SEPTIN9: variants seen among roughly 807,000 people sequenced by gnomAD.
SEPTIN9 encodes the protein septin-9.
In SEPTIN9, 13 loss-of-function variants were observed where a neutral mutation model predicts 56.6. The ratio of observed to expected loss-of-function variants is 0.23; its 90% CI spans 0.15 to 0.37. The LOEUF (loss-of-function observed/expected upper bound fraction) is 0.37, where lower values mean the gene tolerates loss of function less well. SEPTIN9 is among the 10% of genes least tolerant of loss of function. The pLI, the probability that SEPTIN9 is intolerant of heterozygous loss-of-function variation, is 1.00. For synonymous variants in SEPTIN9, 332 were observed against 334.1 expected (o/e 0.99, Z 0.07); for missense variants, 650 against 823.1 (o/e 0.79, Z 2.57).
intron 3 of SEPTIN9, among the ~76,000 whole-genome samples, chr17:77,454,889 A>G (rs2038127374): frequency 6.6e-6 from 1 of 151,778 alleles, no homozygotes; most frequent in African/African-American, 2.4e-5. Flanking sequence ...TGCCTGCAGG[A>G]GTTGCTTCAT....
rs555674045 is a variant in SEPTIN9, at chr17:77,434,018, G to A, written c.721+31315G>A. Among the ~76,000 whole-genome samples, 9 of 152,300 alleles carry A rather than the reference G, an allele frequency of 5.9e-5. No homozygotes were observed. Among genetic ancestry groups the A allele is most frequent in the East Asian group, 1.9e-4 (1 of 5,166 alleles). ...CTGTGTGTGCCTGTGTGAGTCTGGC[G>A]TGTTAGAAGCGCTAAGCTGCAGCTG... On this transcript the variant is annotated intron_variant, in intron 3 of 11. Transcript: ENST00000427177. The surrounding 1 kb of genome is among the most constrained non-coding windows in gnomAD (Gnocchi z 5.0).
In SEPTIN9 at chr17:77,482,703, TCCCCACCGCA is replaced by T. The variant is rs529264216; in HGVS notation, c.913+383_913+392del. 2.1e-3 allele frequency: 1,205 copies of T among 579,470 alleles called. 15 individuals carry two copies. The highest frequency in any genetic ancestry group is 0.015 in the South Asian group (727 of 49,080). The allele number at this position is 579,470 out of a possible 1,614,324, so 35.9% of individuals were successfully genotyped here. A position where few individuals can be genotyped will look rare whatever the true frequency, so the allele number is the denominator to read the frequency against. ...GTTGCTCCAGCCTGGCCCTCCAGGCTCCCCACCGCACCCCACCGCACCCCGGCCAGAGGCT... is the reference window on the plus strand; with the variant it reads ...GTTGCTCCAGCCTGGCCCTCCAGGCTCCCCACCGCACCCCGGCCAGAGGCT... On this transcript the variant is annotated intron_variant, in intron 4 of 11. Coordinates refer to ENST00000427177, the MANE Select transcript of SEPTIN9 (RefSeq NM_001113491.2).
At chr17:77,489,266 G>A (rs539966914) in intron 7 of SEPTIN9, among the ~76,000 whole-genome samples, 8 of 152,336 alleles carry the variant, frequency 5.3e-5, no homozygotes, top group East Asian at 1.9e-4. Flanking sequence ...AGGGTTTGGT[G>A]CGTTCTTAGA....
rs1039028398 is a variant in SEPTIN9, at chr17:77,326,450, G to T, written c.76+19253G>T. Among the ~76,000 whole-genome samples the T allele has an allele frequency of 6.6e-6, 1 of 152,202 alleles. No homozygotes were observed. Among genetic ancestry groups the T allele is most frequent in the Non-Finnish European group, 1.5e-5 (1 of 68,022 alleles). Reference sequence around the variant, plus strand: ...TCGGGGGGACACCTTCGGGCTGAGCGCAGAAGGATGAGGGGAGTAAACCAG... The same window carrying T: ...TCGGGGGGACACCTTCGGGCTGAGCTCAGAAGGATGAGGGGAGTAAACCAG... On this transcript the variant is annotated intron_variant, in intron 2 of 11. Coordinates refer to ENST00000427177, the MANE Select transcript of SEPTIN9 (RefSeq NM_001113491.2). This position sits in a 1 kb window ranked among gnomAD's most constrained non-coding sequence, Gnocchi z 5.1.
At chr17:77,407,990 C>T (rs549569697) in intron 3 of SEPTIN9, among the ~76,000 whole-genome samples, 21 of 152,028 alleles carry the variant, frequency 1.4e-4, no homozygotes, top group Admixed American at 9.8e-4. Context: ...AGAGTTACCC[C>T]CCTCCGGCTC....
intron 3 of SEPTIN9, among the ~76,000 whole-genome samples, chr17:77,470,108 C>T (rs1244028583): frequency 6.6e-6 from 1 of 151,336 alleles, no homozygotes; most frequent in Non-Finnish European, 1.5e-5. Flanking sequence ...CCCATCCACT[C>T]ATTCACTCAT....
rs569366319 is a variant in SEPTIN9, at chr17:77,436,289, C to G, written c.721+33586C>G. On this transcript the variant is annotated intron_variant, in intron 3 of 11. Coordinates refer to ENST00000427177, the MANE Select transcript of SEPTIN9 (RefSeq NM_001113491.2). The surrounding 1 kb of genome is among the most constrained non-coding windows in gnomAD (Gnocchi z 4.4). ...GGGTGGGCGGGGACACAGCGCTGTTCGGCACAGTCCCCTCTGAGCCACCCT... is the reference window on the plus strand; with the variant it reads ...GGGTGGGCGGGGACACAGCGCTGTTGGGCACAGTCCCCTCTGAGCCACCCT... Among the ~76,000 whole-genome samples, 496 of 152,280 alleles carry G rather than the reference C, an allele frequency of 3.3e-3. 1 individual carries two copies. The highest frequency in any genetic ancestry group is 0.014 in the Middle Eastern group (4 of 294).
At chr17:77,282,093 T>C (rs1438965692) in intron 1 of SEPTIN9, among the ~76,000 whole-genome samples, 1 of 152,206 alleles carries the variant, frequency 6.6e-6, no homozygotes, top group Non-Finnish European at 1.5e-5. Flanking sequence ...CGCCCGCGGC[T>C]GACATCCTCA....
chr17:77,471,260 C>T (rs967039221), intron 3 of SEPTIN9, among the ~76,000 whole-genome samples: 1 of 152,186 alleles, frequency 6.6e-6, no homozygotes, highest in Non-Finnish European at 1.5e-5. Context: ...AGGAATGTGC[C>T]CCTCCCTGCC....
intron 2 of SEPTIN9, among the ~76,000 whole-genome samples, chr17:77,349,262 A>G (rs1431339070): frequency 1.3e-5 from 2 of 152,082 alleles, no homozygotes; most frequent in Admixed American, 1.3e-4. Flanking sequence ...GACTACAGGC[A>G]TGTGCCATCA....
intron 1 of SEPTIN9, among the ~76,000 whole-genome samples, chr17:77,299,868 G>A (rs1339272219): frequency 8.6e-6 from 1 of 115,872 alleles, no homozygotes; most frequent in Non-Finnish European, 2.0e-5. Flanking sequence ...GAGAGGGGCT[G>A]GTCACCAAGA....
chr17:77,451,180 CT>C lies in SEPTIN9; in HGVS notation c.722-30963del, dbSNP rs750859111. 10 of 165,384 alleles carry C rather than the reference CT, an allele frequency of 6.0e-5. No homozygotes were observed. Among genetic ancestry groups the C allele is most frequent in the Non-Finnish European group, 1.0e-4 (8 of 79,996 alleles). The allele number at this position is 165,384 out of a possible 1,614,324, so 10.2% of individuals were successfully genotyped here. A position where few individuals can be genotyped will look rare whatever the true frequency, so the allele number is the denominator to read the frequency against. On this transcript the variant is annotated intron_variant, in intron 3 of 11. Transcript: ENST00000427177. This position sits in a 1 kb window ranked among gnomAD's most constrained non-coding sequence, Gnocchi z 4.2. ...CCTCTCTTCTTCCTAGCAGCTCCCC[CT>C]CACTCTTCCCAGGGACCCTGTCACT...
chr17:77,443,825 T>C (rs1401508399), intron 3 of SEPTIN9, among the ~76,000 whole-genome samples: 1 of 151,294 alleles, frequency 6.6e-6, no homozygotes, highest in Non-Finnish European at 1.5e-5. Context: ...AGAAAAAAAG[T>C]AAAAAGGCAT....
Position 77,407,970 on chromosome 17 carries a change from C to T in SEPTIN9, c.721+5267C>T, listed in dbSNP as rs557445186. On this transcript the variant is annotated intron_variant, in intron 3 of 11. Coordinates refer to ENST00000427177, the MANE Select transcript of SEPTIN9 (RefSeq NM_001113491.2). ...CAAGGGCTGGCTGCTGGCTCAGAGC[C>T]CCCCCCACCAGAGTTACCCCCCTCC... is the stretch of plus-strand genomic sequence containing the variant. 1.1e-4 allele frequency among the ~76,000 whole-genome samples: 17 copies of T among 152,110 alleles called. No homozygotes were observed. The South Asian group carries it at 1.7e-3, about 15-fold the overall frequency.
rs2038195402 is a variant in SEPTIN9, at chr17:77,456,198, G to T, written c.722-25946G>T. Among the ~76,000 whole-genome samples the T allele has an allele frequency of 6.6e-6, 1 of 151,912 alleles. No individual in the cohort carries two copies. Among genetic ancestry groups the T allele is most frequent in the African/African-American group, 2.4e-5 (1 of 41,336 alleles). On this transcript the variant is annotated intron_variant, in intron 3 of 11. Transcript: ENST00000427177. The surrounding 1 kb of genome is among the most constrained non-coding windows in gnomAD (Gnocchi z 6.0). ...GCTGCTGTCTGTAGCTGGGGGGCCG[G>T]GTGGGTGGGAGCCGAGGCCAGGGAG...
intron 3 of SEPTIN9, among the ~76,000 whole-genome samples, chr17:77,470,225 T>C (rs993148556): frequency 7.1e-6 from 1 of 141,212 alleles, no homozygotes; most frequent in African/African-American, 2.7e-5. Flanking sequence ...CACCCATCTA[T>C]CCACCCATGT....
intron 2 of SEPTIN9, among the ~76,000 whole-genome samples, chr17:77,335,178 G>A (rs185876135): frequency 4.0e-4 from 60 of 151,546 alleles, no homozygotes; most frequent in African/African-American, 1.4e-3. Flanking sequence ...TCCTATATTA[G>A]TATATGTACA....
intron 3 of SEPTIN9, among the ~76,000 whole-genome samples, chr17:77,469,945 GCCCATCCACTCACCCA>G (rs1309401367): frequency 1.3e-4 from 12 of 90,070 alleles, no homozygotes; most frequent in African/African-American, 5.5e-4. Flanking sequence ...TCATCCACCT[GCCCATCCACTCACCCA>G]CCCATCCACT....
chr17:77,314,771 C>T (rs1047199006), intron 2 of SEPTIN9, among the ~76,000 whole-genome samples: 1 of 152,238 alleles, frequency 6.6e-6, no homozygotes, highest in Non-Finnish European at 1.5e-5. Flanking sequence ...ACCGCCTGCT[C>T]CCTTTTCTGG....
Sources: gnomAD v4.1 joint callset for allele counts (sites outside exome capture counted in the v4.1 genomes callset) on GRCh38, gnomAD v4.1.1 for gene constraint, Gnocchi (gnomAD v3.1) non-coding constraint, MANE v1.5 for transcripts, NCBI Gene and HGNC (gene_info 2026-07-23, HGNC 2026-07-21) for gene names.